Variants in SLC35F3 observed in about 807,000 individuals in gnomAD.
SLC35F3 encodes the protein solute carrier family 35 member F3.
A neutral mutation model predicts 49.9 loss-of-function variants in SLC35F3; 25 were observed. The observed-to-expected ratio is 0.50, with a 90% CI of 0.37 to 0.70. The LOEUF is 0.70. Ranked by LOEUF, SLC35F3 falls within the 30% of genes least tolerant of loss-of-function variation. The probability of loss-of-function intolerance (pLI) is 0.00; values close to 1 mark genes in which losing one functional copy is unlikely to be tolerated. For synonymous variants in SLC35F3, 275 were observed against 265.4 expected, an observed-to-expected ratio of 1.04 and a Z score of -0.35; for missense variants, 525 against 639.8, an observed-to-expected ratio of 0.82 and a Z score of 1.94.
At chr1:233,965,400 G>A (rs781169411) in intron 2 of SLC35F3, among the ~76,000 whole-genome samples, 11 of 152,170 alleles carry the variant, frequency 7.2e-5, no homozygotes, top group East Asian at 1.9e-4. Context: ...AGTATGGGCA[G>A]GACCTGTGAT....
rs537860944 is a variant in SLC35F3 at position 234,086,009 on chromosome 1, G to A, written c.284-145408G>A. 4.3e-4 allele frequency among the ~76,000 whole-genome samples: 66 copies of A among 152,238 alleles called. 1 individual carries two copies. Among genetic ancestry groups the A allele is most frequent in the African/African-American group, 1.5e-3 (62 of 41,542 alleles). On this transcript the variant is annotated intron_variant, in intron 2 of 7. Transcript: ENST00000366618. The stretch of plus-strand genomic sequence containing the variant: ...GTAATATTGTGTGTTTTCACTAAAG[G>A]GAGTGTGATTTCCTTGAGATCAGGA...
chr1:234,161,246 A>T (rs1666223025), intron 2 of SLC35F3, among the ~76,000 whole-genome samples: 1 of 152,238 alleles, frequency 6.6e-6, no homozygotes, highest in African/African-American at 2.4e-5. Flanking sequence ...CGAGGTAGGC[A>T]GTATTATGAT....
intron 2 of SLC35F3, among the ~76,000 whole-genome samples, chr1:234,126,250 C>T (rs1665645491): frequency 6.6e-6 from 1 of 152,206 alleles, no homozygotes; most frequent in Non-Finnish European, 1.5e-5. Flanking sequence ...CCCCACCAGC[C>T]AAATCCAGCT....
intron 3 of SLC35F3, among the ~76,000 whole-genome samples, chr1:234,270,673 CTGTGA>C (rs1668083870): frequency 6.6e-6 from 1 of 152,326 alleles, no homozygotes; most frequent in South Asian, 2.1e-4. Context: ...GCCCTGCTAA[CTGTGA>C]TGGATGGACA....
chr1:234,094,500 C>T (rs963735968), intron 2 of SLC35F3, among the ~76,000 whole-genome samples: 11 of 152,130 alleles, frequency 7.2e-5, no homozygotes, highest in African/African-American at 2.4e-4. Flanking sequence ...CAGGCAATTC[C>T]CTGTTGGTGC....
chr1:233,928,004 A>G (rs983956711), intron 2 of SLC35F3, among the ~76,000 whole-genome samples: 5 of 152,198 alleles, frequency 3.3e-5, no homozygotes, highest in Non-Finnish European at 7.3e-5. Context: ...ACATTCAAAC[A>G]TGATACATTT....
intron 2 of SLC35F3, among the ~76,000 whole-genome samples, chr1:233,966,293 G>A (rs1319488672): frequency 6.6e-6 from 1 of 152,140 alleles, no homozygotes; most frequent in Non-Finnish European, 1.5e-5. Context: ...AATATGAATG[G>A]GGTTACCCTA....
chr1:233,963,747 T>C (rs1662847913), intron 2 of SLC35F3, among the ~76,000 whole-genome samples: 1 of 152,196 alleles, frequency 6.6e-6, no homozygotes, highest in Non-Finnish European at 1.5e-5. Flanking sequence ...AAGGTCATGT[T>C]TCATCTTACA....
chr1:234,081,549 A>G (rs770443566), intron 2 of SLC35F3, among the ~76,000 whole-genome samples: 5 of 152,088 alleles, frequency 3.3e-5, no homozygotes, highest in Non-Finnish European at 7.4e-5. Flanking sequence ...TCCTTCCATT[A>G]TAACCACAGA....
Position 234,231,807 on chromosome 1 carries a change from G to GAGCT in SLC35F3, c.608+67_608+70dup, listed in dbSNP as rs1156759713. The GAGCT allele has an allele frequency of 6.8e-7, 1 of 1,461,738 alleles. No individual in the cohort carries two copies. The highest frequency in any genetic ancestry group is 1.4e-5 in the African/African-American group (1 of 71,126). 90.5% of individuals were successfully genotyped at this position (1,461,738 alleles called of 1,614,324 possible). A position where few individuals can be genotyped will look rare whatever the true frequency, so the allele number is the denominator to read the frequency against. ...TGCTCCATCCAGCGCTGACTCTGCA[G>GAGCT]AGCTGCCCCTGGTGGCAGGCGCTGG... On this transcript the variant is annotated intron_variant, in intron 3 of 7. Transcript: ENST00000366618. This position sits in a 1 kb window ranked among gnomAD's most constrained non-coding sequence, Gnocchi z 5.4.
At chr1:233,990,001 CTT>C (rs1663326488) in intron 2 of SLC35F3, among the ~76,000 whole-genome samples, 1 of 152,090 alleles carries the variant, frequency 6.6e-6, no homozygotes, top group African/African-American at 2.4e-5. Context: ...TCAAAGGAAA[CTT>C]AAGTTACATT....
chr1:234,019,134 A>G (rs1307374693), intron 2 of SLC35F3, among the ~76,000 whole-genome samples: 1 of 152,172 alleles, frequency 6.6e-6, no homozygotes. Context: ...AGCCAAGTCT[A>G]AGAGGAGACT....
intron 2 of SLC35F3, among the ~76,000 whole-genome samples, chr1:234,024,123 G>A (rs1663941110): frequency 2.6e-5 from 4 of 152,128 alleles, no homozygotes; most frequent in Admixed American, 1.3e-4. Context: ...GATCTTCACA[G>A]TTGGGGGAAA....
chr1:234,219,107 A>C (rs963450246), intron 2 of SLC35F3, among the ~76,000 whole-genome samples: 1 of 150,314 alleles, frequency 6.7e-6, no homozygotes, highest in Admixed American at 6.6e-5. Flanking sequence ...AATATAACTC[A>C]GTGGTTGGGA....
chr1:234,218,415 A>G (rs1464522296), intron 2 of SLC35F3, among the ~76,000 whole-genome samples: 2 of 152,170 alleles, frequency 1.3e-5, no homozygotes, highest in Non-Finnish European at 2.9e-5. Context: ...CTCTCCAGGA[A>G]TCAGTTCCGT....
chr1:234,015,162 A>G (rs1663782050), intron 2 of SLC35F3, among the ~76,000 whole-genome samples: 1 of 152,086 alleles, frequency 6.6e-6, no homozygotes, highest in Admixed American at 6.5e-5. Context: ...CCTGGCCAAC[A>G]TGGTGAAACC....
At chr1:234,315,118 G>A (rs1657455350) in intron 4 of SLC35F3, among the ~76,000 whole-genome samples, 5 of 152,188 alleles carry the variant, frequency 3.3e-5, no homozygotes, top group Admixed American at 3.3e-4. Flanking sequence ...CGGTGTGGCT[G>A]ACTACAAGTG....
At chr1:233,927,427 C>CA (rs902420951) in intron 2 of SLC35F3, among the ~76,000 whole-genome samples, 14 of 152,062 alleles carry the variant, frequency 9.2e-5, no homozygotes, top group African/African-American at 3.1e-4. Flanking sequence ...CCTATAACAA[C>CA]AAAAAATAAG....
chr1:234,311,598 T>A (rs1657355553), intron 4 of SLC35F3, among the ~76,000 whole-genome samples: 1 of 152,186 alleles, frequency 6.6e-6, no homozygotes, highest in Admixed American at 6.5e-5. Context: ...CATCAATAGG[T>A]CGAAGTCATG....
Sources: allele counts gnomAD v4.1 joint callset (sites outside exome capture counted in the v4.1 genomes callset), GRCh38; gene constraint gnomAD v4.1.1; non-coding constraint Gnocchi (gnomAD v3.1); transcripts MANE v1.5; gene names NCBI Gene and HGNC (gene_info 2026-07-23, HGNC 2026-07-21).